FYTTD1: variants seen among roughly 807,000 people sequenced by gnomAD.
FYTTD1 encodes the protein forty-two-three domain containing 1.
In FYTTD1, 22 loss-of-function variants were observed where a neutral mutation model predicts 40.9. The ratio of observed to expected loss-of-function variants is 0.54; its 90% confidence interval spans 0.38 to 0.77. The LOEUF (loss-of-function observed/expected upper bound fraction) is 0.77, where lower values mean the gene tolerates loss of function less well. Among genes scored for constraint, FYTTD1 ranks in the 30% least tolerant of loss-of-function variants. The probability of loss-of-function intolerance (pLI) is 0.00; values close to 1 mark genes in which losing one functional copy is unlikely to be tolerated. For synonymous variants in FYTTD1, 140 were observed against 137.9 expected, an observed-to-expected ratio of 1.01 and a Z score of -0.10; for missense variants, 351 against 392.2, an observed-to-expected ratio of 0.90 and a Z score of 0.89.
chr3:197,762,610 C>T (rs1729421298), intron 2 of FYTTD1, among the ~76,000 whole-genome samples: 1 of 148,912 alleles, frequency 6.7e-6, no homozygotes, highest in East Asian at 2.0e-4. Context: ...AGGCCGGGCG[C>T]GGTGGCTCAT....
intron 2 of FYTTD1, chr3:197,763,541 T>A (rs1321023520): frequency 2.2e-6 from 1 of 453,174 alleles, no homozygotes; most frequent in Non-Finnish European, 4.4e-6. Flanking sequence ...CTTTGGGAGG[T>A]GAGAGCAAGA....
chr3:197,755,143 A>C (rs1729176235), intron 1 of FYTTD1, among the ~76,000 whole-genome samples: 1 of 152,262 alleles, frequency 6.6e-6, no homozygotes, highest in East Asian at 1.9e-4. Context: ...TGTAGAAAGA[A>C]AAATAAGGTA....
chr3:197,768,457 T>G lies in FYTTD1; in HGVS notation c.254T>G (p.Leu85Arg). 6.2e-7 allele frequency: 1 copy of G among 1,611,278 alleles called. No individual in the cohort carries two copies. The highest frequency in any genetic ancestry group is 8.5e-7 in the Non-Finnish European group (1 of 1,178,032). Residue 85 changes from leucine (L) to arginine (R), a missense_variant, in exon 3 of 9, where the codon CTG (leucine) becomes CGG (arginine). Transcript: ENST00000241502. ...QQNSGFGKTS[L>R]NRRGRVMPGK... ...CCTATAGGTTTTGGTAAGACTAGTC[T>G]GAATCGTAGAGGAAGAGTAATGCCT...
At chr3:197,778,717 TTTAA>T (rs1334167095) in intron 8 of FYTTD1, among the ~76,000 whole-genome samples, 1 of 152,176 alleles carries the variant, frequency 6.6e-6, no homozygotes, top group Non-Finnish European at 1.5e-5. Flanking sequence ...TGTATGCGTG[TTTAA>T]TTTTGTTTTC....
intron 2 of FYTTD1, among the ~76,000 whole-genome samples, chr3:197,758,990 CT>C (rs1729286974): frequency 6.6e-6 from 1 of 152,170 alleles, no homozygotes; most frequent in African/African-American, 2.4e-5. Flanking sequence ...CCCAAATGTT[CT>C]TCAGTGGTAG....
intron 1 of FYTTD1, chr3:197,750,737 C>T (rs1728999438): frequency 1.0e-6 from 1 of 985,502 alleles, no homozygotes; most frequent in Non-Finnish European, 1.2e-6. Context: ...CACAGTCTCC[C>T]TCTCCAGGCC....
At chr3:197,753,454 A>G (rs1729123456) in intron 1 of FYTTD1, among the ~76,000 whole-genome samples, 1 of 152,148 alleles carries the variant, frequency 6.6e-6, no homozygotes, top group African/African-American at 2.4e-5. Flanking sequence ...CACTGCTGCT[A>G]CTGCTGCTAT....
intron 2 of FYTTD1, among the ~76,000 whole-genome samples, chr3:197,760,171 T>C (rs1560493972): frequency 6.6e-6 from 1 of 151,288 alleles, no homozygotes. Flanking sequence ...ACGTATTGAG[T>C]TGTTCCTCAG....
rs544204292 is a variant in FYTTD1 at position 197,782,754 on chromosome 3, T to C, written c.*845T>C. 2.7e-4 allele frequency: 41 copies of C among 152,280 alleles called. No individual in the cohort carries two copies. Among genetic ancestry groups the C allele is most frequent in the Admixed American group, 1.5e-3 (23 of 15,288 alleles). 9.4% of individuals were successfully genotyped at this position (152,280 alleles called of 1,614,324 possible). On this transcript the variant is annotated 3_prime_UTR_variant, in exon 9 of 9. Transcript: ENST00000241502. ...TGTTTGGATGTAGCATAGTCTTGAG[T>C]CTAGCGTCCACAAAGAATTATTCAA...
intron 2 of FYTTD1, among the ~76,000 whole-genome samples, chr3:197,767,071 A>AC (rs796534978): frequency 9.5e-5 from 14 of 147,610 alleles, no homozygotes; most frequent in African/African-American, 3.6e-4. Flanking sequence ...TTTTTAATTT[A>AC]CCCCCTTTTT....
chr3:197,751,597 A>G (rs1395217618), intron 1 of FYTTD1, among the ~76,000 whole-genome samples: 2 of 151,706 alleles, frequency 1.3e-5, no homozygotes, highest in Non-Finnish European at 2.9e-5. Context: ...GCGCCACTGC[A>G]CTCCAGCCTG....
At chr3:197,755,429 G>A (rs1729182841) in intron 1 of FYTTD1, among the ~76,000 whole-genome samples, 1 of 151,596 alleles carries the variant, frequency 6.6e-6, no homozygotes, top group Non-Finnish European at 1.5e-5. Context: ...CCTATATATT[G>A]GAAGGTGGTC....
In FYTTD1 at chr3:197,782,074, A is replaced by G; in HGVS notation, c.*165A>G. On this transcript the variant is annotated 3_prime_UTR_variant, in exon 9 of 9. Transcript: ENST00000241502. ...TTTTTTAAAAAAAAAAACGTATAAAATAATGCCCTGAAAGAATAATAGGGA... is the reference window on the plus strand; with the variant it reads ...TTTTTTAAAAAAAAAAACGTATAAAGTAATGCCCTGAAAGAATAATAGGGA... 2.2e-6 allele frequency: 1 copy of G among 444,624 alleles called. No homozygotes were observed. 27.5% of individuals were successfully genotyped at this position (444,624 alleles called of 1,614,324 possible). A position where few individuals can be genotyped will look rare whatever the true frequency, so the allele number is the denominator to read the frequency against.
chr3:197,753,429 A>G (rs1354460504), intron 1 of FYTTD1, among the ~76,000 whole-genome samples: 6 of 145,632 alleles, frequency 4.1e-5, no homozygotes, highest in African/African-American at 1.5e-4. Context: ...CCTGTGCTGT[A>G]GTACTTACCA....
At chr3:197,779,820 C>CAA in intron 8 of FYTTD1, among the ~76,000 whole-genome samples, 1 of 145,830 alleles carries the variant, frequency 6.9e-6, no homozygotes, top group East Asian at 2.1e-4. Context: ...GGTATGCAGG[C>CAA]ACACACCATA....
In FYTTD1 at chr3:197,785,940, T is replaced by G. The variant is rs892666775; in HGVS notation, c.*4031T>G. On this transcript the variant is annotated 3_prime_UTR_variant, in exon 9 of 9. Coordinates refer to ENST00000241502, the MANE Select transcript of FYTTD1 (RefSeq NM_032288.7). The stretch of plus-strand genomic sequence containing the variant: ...TAGATCAATTTGGAACTAGCTTCTT[T>G]TTTTTTTTTTTAAATGATACTTCAG... 6.6e-6 allele frequency: 1 copy of G among 151,026 alleles called. No individual in the cohort carries two copies. The highest frequency in any genetic ancestry group is 2.4e-5 in the African/African-American group (1 of 41,208). The allele number at this position is 151,026 out of a possible 1,614,324, so 9.4% of individuals were successfully genotyped here. A position where few individuals can be genotyped will look rare whatever the true frequency, so the allele number is the denominator to read the frequency against.
chr3:197,759,237 G>A (rs185788119), intron 2 of FYTTD1, among the ~76,000 whole-genome samples: 1 of 150,394 alleles, frequency 6.6e-6, no homozygotes, highest in East Asian at 1.9e-4. Context: ...GTATAGAATT[G>A]TTCTTCAGTG....
At chr3:197,777,785 G>C (rs944066404) in intron 7 of FYTTD1, among the ~76,000 whole-genome samples, 2 of 152,064 alleles carry the variant, frequency 1.3e-5, no homozygotes, top group Non-Finnish European at 2.9e-5. Context: ...TGCCACCATA[G>C]CTCACTGCTG....
chr3:197,760,251 A>G (rs1729339982), intron 2 of FYTTD1, among the ~76,000 whole-genome samples: 2 of 152,172 alleles, frequency 1.3e-5, no homozygotes, highest in Admixed American at 6.5e-5. Flanking sequence ...TAGAACGTAT[A>G]GAGTGTTCTT....
Sources: gnomAD v4.1 joint callset for allele counts (sites outside exome capture counted in the v4.1 genomes callset) on GRCh38, gnomAD v4.1.1 for gene constraint, MANE v1.5 for transcripts, NCBI Gene and HGNC (gene_info 2026-07-23, HGNC 2026-07-21) for gene names.